DDI2: variants seen among roughly 807,000 people sequenced by gnomAD.
The protein encoded by DDI2 is protein DDI1 homolog 2.
In DDI2, 5 loss-of-function variants were observed where a neutral mutation model predicts 48.1. The ratio of observed to expected loss-of-function variants is 0.10; its 90% CI spans 0.05 to 0.22. DDI2 has a LOEUF of 0.22. DDI2 is among the 10% of genes least tolerant of loss of function. The probability of loss-of-function intolerance (pLI) is 1.00; values close to 1 mark genes in which losing one functional copy is unlikely to be tolerated. For synonymous variants in DDI2, 205 were observed against 183.6 expected, an observed-to-expected ratio of 1.12 and a Z score of -0.94; for missense variants, 285 against 506.2, an observed-to-expected ratio of 0.56 and a Z score of 4.19.
At position 15,661,030 on chromosome 1, in the gene DDI2, G is replaced by A; in HGVS notation, c.*1240G>A. On this transcript the variant is annotated 3_prime_UTR_variant, in exon 10 of 10. Transcript: ENST00000480945. ...CTGTCAATCAGAAACCATAGCTGAG[G>A]GCCAAACCAGTATTAAAGACCTTTC... is the stretch of plus-strand genomic sequence containing the variant. 1.2e-6 allele frequency: 2 copies of A among 1,613,982 alleles called. No homozygotes were observed. The highest frequency in any genetic ancestry group is 8.5e-7 in the Non-Finnish European group (1 of 1,180,008).
chr1:15,652,442 GCTCCGGA>G, intron 8 of DDI2, among the ~76,000 whole-genome samples: 1 of 81,326 alleles, frequency 1.2e-5, no homozygotes, highest in African/African-American at 4.7e-5. Flanking sequence ...ACTTTGGGAG[GCTCCGGA>G]GGGGGGGGGG....
At chr1:15,645,767 G>C (rs936107187) in intron 6 of DDI2, among the ~76,000 whole-genome samples, 2 of 152,004 alleles carry the variant, frequency 1.3e-5, no homozygotes, top group African/African-American at 2.4e-5. Context: ...CTACTCGAGA[G>C]GCTAAGGCAG....
chr1:15,645,112 T>G (rs931414790), intron 6 of DDI2, among the ~76,000 whole-genome samples: 2 of 152,058 alleles, frequency 1.3e-5, no homozygotes, highest in Non-Finnish European at 2.9e-5. Context: ...ATGATCTCTC[T>G]CAAATTCCTG....
At chr1:15,650,405 T>C (rs1640158821) in intron 7 of DDI2, among the ~76,000 whole-genome samples, 1 of 152,318 alleles carries the variant, frequency 6.6e-6, no homozygotes, top group African/African-American at 2.4e-5. Flanking sequence ...GTGGTATGGC[T>C]GTAGACCTCA....
intron 3 of DDI2, 39 bp downstream of exon 3, chr1:15,630,600 A>T: frequency 7.2e-7 from 1 of 1,391,970 alleles, no homozygotes; most frequent in Non-Finnish European, 1.0e-6. Context: ...GGCTGGCCTG[A>T]GGTGAAGAAG....
intron 1 of DDI2, among the ~76,000 whole-genome samples, chr1:15,623,048 C>T (rs1639694954): frequency 6.6e-6 from 1 of 152,174 alleles, no homozygotes; most frequent in Non-Finnish European, 1.5e-5. Flanking sequence ...TTAGATCATG[C>T]TGCCTTCCTT....
chr1:15,662,023 T>A lies in DDI2; in HGVS notation c.*2233T>A, dbSNP rs1640391602. On this transcript the variant is annotated 3_prime_UTR_variant, in exon 10 of 10. Transcript: ENST00000480945. Reference sequence around the variant, plus strand: ...TATCCTGGAATAAAATGGATGGTTTTGTGTGTAGCATACTGTTTTAGAATG... The same window carrying A: ...TATCCTGGAATAAAATGGATGGTTTAGTGTGTAGCATACTGTTTTAGAATG... 3.9e-6 allele frequency: 1 copy of A among 256,560 alleles called. No homozygotes were observed. Among genetic ancestry groups the A allele is most frequent in the Admixed American group, 4.9e-5 (1 of 20,522 alleles). 15.9% of individuals were successfully genotyped at this position (256,560 alleles called of 1,614,324 possible).
chr1:15,638,198 C>T, intron 4 of DDI2, 109 bp from the exon 5 acceptor site: 1 of 1,518,114 alleles, frequency 6.6e-7, no homozygotes, highest in African/African-American at 1.4e-5. Flanking sequence ...GGCTGCTGTG[C>T]TTGGGGCAAA....
intron 4 of DDI2, among the ~76,000 whole-genome samples, chr1:15,637,742 G>T (rs566179301): frequency 6.6e-6 from 1 of 152,200 alleles, no homozygotes; most frequent in Admixed American, 6.5e-5. Context: ...TAAGTGATGG[G>T]TGCAATTTTT....
rs1295513825 is a variant in DDI2 at position 15,668,268 on chromosome 1, G to A, written c.*8478G>A. 6.6e-6 allele frequency: 1 copy of A among 152,116 alleles called. No homozygotes were observed. Among genetic ancestry groups the A allele is most frequent in the Admixed American group, 6.5e-5 (1 of 15,272 alleles). The allele number at this position is 152,116 out of a possible 1,614,324, so 9.4% of individuals were successfully genotyped here. On this transcript the variant is annotated 3_prime_UTR_variant, in exon 10 of 10. Transcript: ENST00000480945. ...GCTGATTCGTTTCCTGATTCCTTCT[G>A]TCTGAGATTACCTGATGCTGACCAG...
chr1:15,627,777 T>G (rs1639781748), intron 2 of DDI2, among the ~76,000 whole-genome samples: 1 of 152,188 alleles, frequency 6.6e-6, no homozygotes, highest in Admixed American at 6.6e-5. Context: ...AGTTTTAAAG[T>G]TTATGGTGAC....
rs996987579 is a variant in DDI2, at chr1:15,668,347, G to T, written c.*8557G>T. 6.6e-6 allele frequency: 1 copy of T among 152,100 alleles called. No individual in the cohort carries two copies. Among genetic ancestry groups the T allele is most frequent in the Non-Finnish European group, 1.5e-5 (1 of 68,024 alleles). 9.4% of individuals were successfully genotyped at this position (152,100 alleles called of 1,614,324 possible). A position where few individuals can be genotyped will look rare whatever the true frequency, so the allele number is the denominator to read the frequency against. ...AGCTGAGTTTATGGCACCCATCCAA[G>T]ACCTTCCCATTTGAATGACTAGATT... On this transcript the variant is annotated 3_prime_UTR_variant, in exon 10 of 10. Coordinates refer to ENST00000480945, the MANE Select transcript of DDI2 (RefSeq NM_032341.5).
Position 15,662,059 on chromosome 1 carries a change from C to T in DDI2, c.*2269C>T, listed in dbSNP as rs752265791. 6 of 180,632 alleles carry T rather than the reference C, an allele frequency of 3.3e-5. No individual in the cohort carries two copies. The highest frequency in any genetic ancestry group is 5.8e-5 in the Non-Finnish European group (5 of 85,798). The allele number at this position is 180,632 out of a possible 1,614,324, so 11.2% of individuals were successfully genotyped here. ...TACTGTTTTAGAATGAGAGTAAATG[C>T]TTTGAAAAGCAGAAGCCATGAGAAA... On this transcript the variant is annotated 3_prime_UTR_variant, in exon 10 of 10. Transcript: ENST00000480945.
chr1:15,636,800 A>C (rs1639937543), intron 4 of DDI2, among the ~76,000 whole-genome samples: 1 of 152,236 alleles, frequency 6.6e-6, no homozygotes, highest in Non-Finnish European at 1.5e-5. Context: ...TAAATATTTT[A>C]GTCTTTGCAA....
chr1:15,625,762 G>T (rs1009867402), intron 1 of DDI2, among the ~76,000 whole-genome samples: 1 of 152,156 alleles, frequency 6.6e-6, no homozygotes, highest in African/African-American at 2.4e-5. Flanking sequence ...GGGATTACAG[G>T]CACGTGCCAC....
intron 9 of DDI2, 134 bp from the exon 10 acceptor site, chr1:15,659,703 C>G (rs1184267421): frequency 1.2e-6 from 1 of 807,066 alleles, no homozygotes; most frequent in African/African-American, 1.7e-5. Flanking sequence ...AAAATCATTT[C>G]TATTTGTGTA....
intron 5 of DDI2, among the ~76,000 whole-genome samples, chr1:15,640,114 G>A (rs921257983): frequency 2.0e-5 from 3 of 152,088 alleles, no homozygotes; most frequent in Non-Finnish European, 2.9e-5. Flanking sequence ...ATCTGTTGTG[G>A]GTAGGGCCTT....
chr1:15,666,046 C>T lies in DDI2; in HGVS notation c.*6256C>T, dbSNP rs1431034740. 6.6e-6 allele frequency: 1 copy of T among 152,112 alleles called. No homozygotes were observed. Among genetic ancestry groups the T allele is most frequent in the African/African-American group, 2.4e-5 (1 of 41,406 alleles). The allele number at this position is 152,112 out of a possible 1,614,324, so 9.4% of individuals were successfully genotyped here. Reference sequence around the variant, plus strand: ...TCCCTTCCTAGAAGATGAATGTTACCTTTTGTGTTAGGAGGTAGAGAAAAT... The same window carrying T: ...TCCCTTCCTAGAAGATGAATGTTACTTTTTGTGTTAGGAGGTAGAGAAAAT... On this transcript the variant is annotated 3_prime_UTR_variant, in exon 10 of 10. Transcript: ENST00000480945.
rs754657774 is a variant in DDI2, at chr1:15,661,406, C to G, written c.*1616C>G. 2.5e-6 allele frequency: 4 copies of G among 1,614,164 alleles called. No individual in the cohort carries two copies. The highest frequency in any genetic ancestry group is 1.7e-5 in the Admixed American group (1 of 60,008). ...AATCAGACTTCTGAGCAAACTAAGT[C>G]TTTGTCATCCAATTTCATATTGGTT... On this transcript the variant is annotated 3_prime_UTR_variant, in exon 10 of 10. Coordinates refer to ENST00000480945, the MANE Select transcript of DDI2 (RefSeq NM_032341.5).
Sources: gnomAD v4.1 joint callset for allele counts (sites outside exome capture counted in the v4.1 genomes callset) on GRCh38, gnomAD v4.1.1 for gene constraint, MANE v1.5 for transcripts, NCBI Gene and HGNC (gene_info 2026-07-23, HGNC 2026-07-21) for gene names.